ST6GAL1: variants seen among roughly 807,000 people sequenced by gnomAD.
The protein encoded by ST6GAL1 is ST6 beta-galactoside alpha-2,6-sialyltransferase 1, also known as beta-galactoside alpha-2,6-sialyltransferase 1.
A neutral mutation model predicts 38.0 loss-of-function variants in ST6GAL1; 20 were observed. That is an observed-to-expected ratio of 0.53 (90% CI 0.37 to 0.77). ST6GAL1 has a LOEUF of 0.77. Ranked by LOEUF, ST6GAL1 falls within the 30% of genes least tolerant of loss-of-function variation. The pLI is 0.00. For synonymous variants in ST6GAL1, 196 were observed against 188.2 expected, an observed-to-expected ratio of 1.04 and a Z score of -0.34; for missense variants, 432 against 496.4, an observed-to-expected ratio of 0.87 and a Z score of 1.23.
intron 2 of ST6GAL1, among the ~76,000 whole-genome samples, chr3:187,015,781 G>T (rs767319427): frequency 6.6e-6 from 1 of 152,168 alleles, no homozygotes; most frequent in Non-Finnish European, 1.5e-5. Context: ...CGAGGCTGCA[G>T]TGAGCTGTGA....
chr3:186,960,269 G>A (rs1714888908), intron 1 of ST6GAL1, among the ~76,000 whole-genome samples: 1 of 152,156 alleles, frequency 6.6e-6, no homozygotes, highest in East Asian at 1.9e-4. Context: ...GATGCTTCTG[G>A]GTCTAAGGGC....
In ST6GAL1 at chr3:187,012,261, T is replaced by G. The variant is rs116710459; in HGVS notation, c.-182-26481T>G. Among the ~76,000 whole-genome samples, 275 of 144,594 alleles carry G rather than the reference T, an allele frequency of 1.9e-3. 1 individual carries two copies. The highest frequency in any genetic ancestry group is 3.1e-3 in the Non-Finnish European group (205 of 65,142). The allele number at this position is 144,594 out of a possible 152,430, so 94.9% of individuals were successfully genotyped here. A position where few individuals can be genotyped will look rare whatever the true frequency, so the allele number is the denominator to read the frequency against. On this transcript the variant is annotated intron_variant, in intron 2 of 7. Coordinates refer to ENST00000169298, the MANE Select transcript of ST6GAL1 (RefSeq NM_173216.2). ...GTATTTACTGCATTTTTTTTCATTTTTTTTTTCTTTTTTTGAGACAGGGTC... is the reference window on the plus strand; with the variant it reads ...GTATTTACTGCATTTTTTTTCATTTGTTTTTTCTTTTTTTGAGACAGGGTC...
chr3:187,064,650 C>T (rs1181940731), intron 5 of ST6GAL1: 2 of 455,970 alleles, frequency 4.4e-6, no homozygotes, highest in Non-Finnish European at 8.8e-6. Context: ...CTCCTGTAAG[C>T]AACACTAAGT....
chr3:187,070,915 C>A (rs1373799173), intron 5 of ST6GAL1, among the ~76,000 whole-genome samples: 5 of 152,186 alleles, frequency 3.3e-5, no homozygotes, highest in Non-Finnish European at 4.4e-5. Context: ...GACCGACCAC[C>A]AATATTTCTT....
intron 5 of ST6GAL1, among the ~76,000 whole-genome samples, chr3:187,068,488 C>T (rs553114647): frequency 6.6e-6 from 1 of 152,262 alleles, no homozygotes; most frequent in South Asian, 2.1e-4. Flanking sequence ...AACATATTAA[C>T]ACTTACTTCC....
intron 4 of ST6GAL1, among the ~76,000 whole-genome samples, chr3:187,048,880 ATTTTTT>A (rs374148828): frequency 9.5e-5 from 11 of 115,448 alleles, no homozygotes; most frequent in African/African-American, 3.0e-4. Context: ...GAGAAATTGA[ATTTTTT>A]TTTTTTTTTT....
chr3:187,029,047 C>T (rs936408550), intron 2 of ST6GAL1, among the ~76,000 whole-genome samples: 6 of 140,508 alleles, frequency 4.3e-5, no homozygotes, highest in South Asian at 2.3e-4. Flanking sequence ...GATTGTGCCA[C>T]TGTGTACTCC....
chr3:186,932,116 A>G (rs1322906246), intron 1 of ST6GAL1, among the ~76,000 whole-genome samples: 1 of 147,324 alleles, frequency 6.8e-6, no homozygotes, highest in Non-Finnish European at 1.5e-5. Context: ...CACCTTGGCT[A>G]GTGTGGCTGA....
intron 2 of ST6GAL1, among the ~76,000 whole-genome samples, chr3:187,001,784 C>T (rs1181420901): frequency 2.0e-5 from 3 of 151,904 alleles, no homozygotes; most frequent in African/African-American, 2.4e-5. Flanking sequence ...GGTGAAACCC[C>T]GTCTCTACTA....
chr3:186,959,636 G>T (rs1410425779), intron 1 of ST6GAL1, among the ~76,000 whole-genome samples: 1 of 152,170 alleles, frequency 6.6e-6, no homozygotes, highest in Non-Finnish European at 1.5e-5. Flanking sequence ...AGGGATGTGA[G>T]CCCTGGGAGA....
intron 2 of ST6GAL1, among the ~76,000 whole-genome samples, chr3:186,964,747 G>A (rs1242506868): frequency 6.6e-6 from 1 of 152,168 alleles, no homozygotes; most frequent in South Asian, 2.1e-4. Flanking sequence ...ATGGAAATGG[G>A]CAAGTGCTAC....
At chr3:186,934,924 G>T (rs1315526653) in intron 1 of ST6GAL1, among the ~76,000 whole-genome samples, 1 of 151,898 alleles carries the variant, frequency 6.6e-6, no homozygotes, top group Non-Finnish European at 1.5e-5. Flanking sequence ...CCGCCACCAC[G>T]CCCGGCTAAT....
At chr3:187,050,534 AAGAGAG>A (rs147505225) in intron 4 of ST6GAL1, among the ~76,000 whole-genome samples, 2,765 of 87,838 alleles carry the variant, frequency 0.031, 92 homozygotes, top group African/African-American at 0.077. Flanking sequence ...CTTACAAAGA[AAGAGAG>A]AGAGAGAGAG....
rs1719515834 is a variant in ST6GAL1 at position 187,075,074 on chromosome 3, C to A, written c.980-488C>A. ...TTTGCCCAGCTAAGGGAAGAAAAGTCTTCCCTCCCCAACACTGTTTCATGC... is the reference window on the plus strand; with the variant it reads ...TTTGCCCAGCTAAGGGAAGAAAAGTATTCCCTCCCCAACACTGTTTCATGC... On this transcript the variant is annotated intron_variant, in intron 7 of 7. Transcript: ENST00000169298. This position sits in a 1 kb window ranked among gnomAD's most constrained non-coding sequence, Gnocchi z 4.1. Among the ~76,000 whole-genome samples, 1 of 152,108 alleles carries A rather than the reference C, an allele frequency of 6.6e-6. No individual in the cohort carries two copies. Among genetic ancestry groups the A allele is most frequent in the African/African-American group, 2.4e-5 (1 of 41,422 alleles).
chr3:187,064,418 G>T (rs1293141076), intron 5 of ST6GAL1: 2 of 429,618 alleles, frequency 4.7e-6, no homozygotes, highest in African/African-American at 2.0e-5. Context: ...AAAGGGTTGC[G>T]AAATAGCTCC....
intron 2 of ST6GAL1, among the ~76,000 whole-genome samples, chr3:186,997,265 G>A (rs1019262844): frequency 9.9e-5 from 15 of 152,240 alleles, no homozygotes; most frequent in African/African-American, 3.4e-4. Flanking sequence ...GCAATGACCA[G>A]GGTGTCACCC....
chr3:187,004,032 T>G (rs3852061), intron 2 of ST6GAL1, among the ~76,000 whole-genome samples: 78,761 of 151,974 alleles, frequency 0.52, 20,597 homozygotes, highest in African/African-American at 0.55. Context: ...GGGTCATGGG[T>G]GTGGATCTTT....
At chr3:186,988,748 T>C (rs1195284977) in intron 2 of ST6GAL1, among the ~76,000 whole-genome samples, 1 of 152,028 alleles carries the variant, frequency 6.6e-6, no homozygotes, top group East Asian at 1.9e-4. Context: ...ATCCCATCTC[T>C]ACAAAAATTA....
intron 2 of ST6GAL1, among the ~76,000 whole-genome samples, chr3:187,012,110 C>T (rs955444231): frequency 1.3e-5 from 2 of 152,160 alleles, no homozygotes; most frequent in East Asian, 3.9e-4. Flanking sequence ...CTATGTTAGT[C>T]GTGCTCTTGC....
Sources: gnomAD v4.1 joint callset for allele counts (sites outside exome capture counted in the v4.1 genomes callset) on GRCh38, gnomAD v4.1.1 for gene constraint, Gnocchi (gnomAD v3.1) non-coding constraint, MANE v1.5 for transcripts, NCBI Gene and HGNC (gene_info 2026-07-23, HGNC 2026-07-21) for gene names.